SH3D21: variants seen among roughly 807,000 people sequenced by gnomAD.
SH3D21 encodes manchette microtubule inner protein 1, also known as SH3 domain-containing protein 21.
In SH3D21, 83 loss-of-function variants were observed where a neutral mutation model predicts 82.1. The observed-to-expected ratio is 1.01, with a 90% CI of 0.85 to 1.21. SH3D21 has a LOEUF of 1.21. Among genes scored for constraint, SH3D21 ranks in the 50% most tolerant of loss-of-function variants. SH3D21 has a pLI of 0.00. For synonymous variants in SH3D21, 383 were observed against 387.8 expected, an observed-to-expected ratio of 0.99 and a Z score of 0.15; for missense variants, 980 against 962.1, an observed-to-expected ratio of 1.02 and a Z score of -0.25.
chr1:36,312,313 G>A (rs1007700875), intron 10 of SH3D21, among the ~76,000 whole-genome samples: 6 of 152,076 alleles, frequency 3.9e-5, no homozygotes, highest in South Asian at 4.1e-4. Context: ...GTGAGCCACC[G>A]CACACGGCCA....
At chr1:36,315,841 C>T (rs977812641) in intron 10 of SH3D21, among the ~76,000 whole-genome samples, 1 of 152,220 alleles carries the variant, frequency 6.6e-6, no homozygotes, top group African/African-American at 2.4e-5. Context: ...TTACTCTGCT[C>T]TGTAACCCTG....
intron 10 of SH3D21, among the ~76,000 whole-genome samples, chr1:36,317,215 C>T (rs893249949): frequency 6.6e-6 from 1 of 152,198 alleles, no homozygotes; most frequent in African/African-American, 2.4e-5. Context: ...AACCACCCTA[C>T]AAGGTGTGTG....
In SH3D21 at chr1:36,309,540, C is replaced by T. The variant is rs773287546; in HGVS notation, c.727-8C>T. The stretch of plus-strand genomic sequence containing the variant: ...AGGATGCTCAACCTTTACTTCTTTT[C>T]GGCATAGATCAAGAAGCTGGTCCCA... On this transcript the variant is annotated splice_polypyrimidine_tract_variant and splice_region_variant and intron_variant, in intron 9 of 15. Transcript: ENST00000453908. 4.1e-5 allele frequency: 63 copies of T among 1,551,304 alleles called. No individual in the cohort carries two copies. Among genetic ancestry groups the T allele is most frequent in the Middle Eastern group, 1.7e-4 (1 of 6,010 alleles).
chr1:36,316,400 A>G (rs1646343869), intron 10 of SH3D21, among the ~76,000 whole-genome samples: 1 of 152,010 alleles, frequency 6.6e-6, no homozygotes, highest in Non-Finnish European at 1.5e-5. Flanking sequence ...ACGCCTGGCT[A>G]ATTTTTGTAG....
Position 36,307,066 on chromosome 1 carries a change from G to A in SH3D21, c.227-101G>A. The A allele has an allele frequency of 6.7e-7, 1 of 1,500,772 alleles. No homozygotes were observed. Among genetic ancestry groups the A allele is most frequent in the Middle Eastern group, 2.1e-4 (1 of 4,676 alleles). The allele number at this position is 1,500,772 out of a possible 1,614,324, so 93.0% of individuals were successfully genotyped here. ...CGAGTGCAATGCTCCGCCCTGGGGC[G>A]GGGCTGGAGGGACCAAAGGCTACGT... On this transcript the variant is annotated intron_variant, in intron 3 of 15. Coordinates refer to ENST00000453908, the MANE Select transcript of SH3D21 (RefSeq NM_001162530.2). The surrounding 1 kb of genome is among the most constrained non-coding windows in gnomAD (Gnocchi z 5.4).
At chr1:36,327,651 G>A (rs1646558768), downstream of SH3D21, 4 of 1,193,038 alleles carry the variant, frequency 3.4e-6, no homozygotes, top group African/African-American at 3.2e-5. Context: ...CAGGATGAGG[G>A]TTGAGATGAT....
chr1:36,319,110 C>A lies in SH3D21; in HGVS notation c.809C>A (p.Ser270Tyr). 1.3e-6 allele frequency: 2 copies of A among 1,551,510 alleles called. No homozygotes were observed. The highest frequency in any genetic ancestry group is 1.7e-6 in the Non-Finnish European group (2 of 1,146,854). ...KEPKKLMPKT[S>Y]LPTVKKLATA... ...CCAAAAAAGTTGATGCCCAAAACAT[C>A]CCTCCCCACAGTCAAGAAGCTAGCA... is the stretch of plus-strand genomic sequence containing the variant. Residue 270 changes from serine to tyrosine, a missense_variant, in exon 11 of 16, where the codon TCC becomes TAC. Physicochemically the swap from Ser to Tyr is moderately radical, Grantham distance 144. Coordinates refer to ENST00000453908, the MANE Select transcript of SH3D21 (RefSeq NM_001162530.2).
chr1:36,307,122 A>C lies in SH3D21; in HGVS notation c.227-45A>C. 6.5e-7 allele frequency: 1 copy of C among 1,549,408 alleles called. No individual in the cohort carries two copies. The highest frequency in any genetic ancestry group is 8.7e-7 in the Non-Finnish European group (1 of 1,145,752). On this transcript the variant is annotated intron_variant, in intron 3 of 15. Transcript: ENST00000453908. This position sits in a 1 kb window ranked among gnomAD's most constrained non-coding sequence, Gnocchi z 5.4. ...CCTTGCGCTTCCCCCAGCTCCTCTGACTGGGGCGTCCGACTGGAGCTCAGC... is the reference window on the plus strand; with the variant it reads ...CCTTGCGCTTCCCCCAGCTCCTCTGCCTGGGGCGTCCGACTGGAGCTCAGC...
downstream of SH3D21, chr1:36,323,135 C>CCT: frequency 7.3e-7 from 1 of 1,373,440 alleles, no homozygotes; most frequent in Admixed American, 2.7e-5. Context: ...CCGCGGGCAG[C>CCT]TCCTCTCCCG....
rs1274345775 is a variant in SH3D21 at position 36,319,288 on chromosome 1, C to T, written c.892C>T (p.Gln298Ter). ...KTSRTPSRDS[Q>*]KLTSRDSGPN... is the part of the protein sequence containing the mutation. ...ATCTCGGACACCCAGCAGGGACAGT[C>T]AGAAGCTCACCTCCCGAGACTCAGG... is the stretch of plus-strand genomic sequence containing the variant. The change falls in exon 12 of 16, where the codon CAG becomes TAG. Residue 298 changes from glutamine (Q) to a stop codon, truncating the protein, a stop_gained. Transcript: ENST00000453908. LOFTEE classifies it high-confidence loss of function. 2.6e-6 allele frequency: 4 copies of T among 1,551,636 alleles called. No homozygotes were observed. Among genetic ancestry groups the T allele is most frequent in the Non-Finnish European group, 8.7e-7 (1 of 1,146,972 alleles).
At chr1:36,310,951 C>T (rs759108700) in intron 10 of SH3D21, among the ~76,000 whole-genome samples, 22 of 151,942 alleles carry the variant, frequency 1.4e-4, no homozygotes, top group Non-Finnish European at 2.9e-4. Context: ...CTCTGTTGCC[C>T]AGGCTGGAGT....
At chr1:36,316,391 C>T (rs374430010) in intron 10 of SH3D21, among the ~76,000 whole-genome samples, 3 of 152,316 alleles carry the variant, frequency 2.0e-5, no homozygotes, top group East Asian at 3.9e-4. Flanking sequence ...CGCGCCACCA[C>T]GCCTGGCTAA....
chr1:36,324,647 A>C (rs1646522860), downstream of SH3D21: 1 of 152,200 alleles, frequency 6.6e-6, no homozygotes. Flanking sequence ...CTACTCCCCC[A>C]GTCCCGAGAC....
chr1:36,322,924 G>A (rs1646492524), downstream of SH3D21: 1 of 1,596,570 alleles, frequency 6.3e-7, no homozygotes, highest in Non-Finnish European at 8.5e-7. Flanking sequence ...AGGGGATGGT[G>A]GTCAGGGAAG....
rs539277762 is a variant in SH3D21 at position 36,311,050 on chromosome 1, A to G, written c.769+1460A>G. 7.9e-5 allele frequency among the ~76,000 whole-genome samples: 12 copies of G among 151,982 alleles called. No individual in the cohort carries two copies. The South Asian group carries it at 2.3e-3, about 29-fold the overall frequency. On this transcript the variant is annotated intron_variant, in intron 10 of 15. Transcript: ENST00000453908. ...CTGCCTCCCAAGTAGCTGGGACTAC[A>G]GGCACCCACCACCATGCCCGGCTAA...
At chr1:36,314,258 A>C (rs1226796307) in intron 10 of SH3D21, among the ~76,000 whole-genome samples, 1 of 150,976 alleles carries the variant, frequency 6.6e-6, no homozygotes, top group African/African-American at 2.4e-5. Flanking sequence ...TACAAGCGTG[A>C]GCCACCGCGC....
In SH3D21 at chr1:36,308,112, C is replaced by G. The variant is rs1646165945; in HGVS notation, c.542C>G (p.Ser181Cys). The G allele has an allele frequency of 1.3e-6, 2 of 1,547,756 alleles. No individual in the cohort carries two copies. Among genetic ancestry groups the G allele is most frequent in the East Asian group, 2.4e-5 (1 of 40,888 alleles). ...CAGTGGACTGACCTCTTCCCAGTCT[C>G]CCACCCTGAGGTCTACAGGGTCCTG... ...DSPPDYLQTV[S>C]HPEVYRVLFD... is the part of the protein sequence containing the mutation. The change falls in exon 8 of 16, where the codon TCC becomes TGC. Residue 181 changes from serine (S) to cysteine (C), a missense_variant. Physicochemically the swap from Ser to Cys is moderately radical, Grantham distance 112. Transcript: ENST00000453908.
downstream of SH3D21, chr1:36,328,277 C>T: frequency 2.6e-6 from 1 of 384,748 alleles, no homozygotes; most frequent in Non-Finnish European, 5.2e-6. Flanking sequence ...CACAGCTCTG[C>T]TCCCGGCCCC....
downstream of SH3D21, chr1:36,322,167 G>A: frequency 2.2e-6 from 3 of 1,358,520 alleles, no homozygotes; most frequent in Middle Eastern, 5.4e-4. Flanking sequence ...GCCTCTCAGG[G>A]GGTGGCGGTC....
Sources: allele counts gnomAD v4.1 joint callset (sites outside exome capture counted in the v4.1 genomes callset), GRCh38; gene constraint gnomAD v4.1.1; non-coding constraint Gnocchi (gnomAD v3.1); transcripts MANE v1.5; gene names NCBI Gene and HGNC (gene_info 2026-07-23, HGNC 2026-07-21).